Variants in SNRPN observed in about 807,000 individuals in gnomAD.
SNRPN encodes small nuclear ribonucleoprotein polypeptide N.
A neutral mutation model predicts 25.2 loss-of-function variants in SNRPN; 7 were observed. That is an observed-to-expected ratio of 0.28 (90% CI 0.16 to 0.52). SNRPN has a LOEUF of 0.52. SNRPN is among the 20% of genes least tolerant of loss of function. The pLI, the probability that SNRPN is intolerant of heterozygous loss-of-function variation, is 0.96. For synonymous variants in SNRPN, 124 were observed against 110.6 expected (o/e 1.12, Z -0.76); for missense variants, 196 against 322.5 (o/e 0.61, Z 3.00).
chr15:24,896,278 A>C (rs545254078), intron 2 of SNRPN, among the ~76,000 whole-genome samples: 2 of 152,118 alleles, frequency 1.3e-5, no homozygotes, highest in South Asian at 4.1e-4. Context: ...ACTCTCATTC[A>C]ATTCCCTTTC....
chr15:24,902,414 G>A (rs919645140), intron 2 of SNRPN, among the ~76,000 whole-genome samples: 2 of 152,052 alleles, frequency 1.3e-5, no homozygotes, highest in Non-Finnish European at 2.9e-5. Context: ...TATATATCAG[G>A]GAAGAAAAAA....
rs1482085775 is a variant in SNRPN, at chr15:24,924,243, C to CT, written c.-391+4121dup. Reference sequence around the variant, plus strand: ...CCCAGAACCCAGTGAGATTCAGAAGCTTATGTACCCTCTTCTTAGGACAGA... The same window carrying CT: ...CCCAGAACCCAGTGAGATTCAGAAGCTTTATGTACCCTCTTCTTAGGACAGA... On this transcript the variant is annotated intron_variant, in intron 3 of 11. Coordinates refer to the SNRPN transcript ENST00000400097. Among the ~76,000 whole-genome samples, 14 of 151,992 alleles carry CT rather than the reference C, an allele frequency of 9.2e-5. No individual in the cohort carries two copies. The East Asian group carries it at 2.0e-3, about 21-fold the overall frequency.
intron 2 of SNRPN, among the ~76,000 whole-genome samples, chr15:24,834,990 G>GATAGAT (rs2050945096): frequency 1.9e-5 from 1 of 52,938 alleles, no homozygotes; most frequent in East Asian, 7.0e-4. Context: ...ATATAAAATA[G>GATAGAT]ATATATATAG....
chr15:24,896,483 G>A (rs1351345777), intron 2 of SNRPN, among the ~76,000 whole-genome samples: 1 of 152,088 alleles, frequency 6.6e-6, no homozygotes, highest in African/African-American at 2.4e-5. Flanking sequence ...ATGGCTCCTA[G>A]GCAGATCACA....
intron 2 of SNRPN, among the ~76,000 whole-genome samples, chr15:24,913,673 A>C (rs2059356267): frequency 6.6e-6 from 1 of 152,166 alleles, no homozygotes; most frequent in South Asian, 2.1e-4. Context: ...CAAAACAAAA[A>C]AAACAAAGAA....
chr15:24,966,532 A>G (rs1260727799), intron 2 of SNRPN, among the ~76,000 whole-genome samples: 1 of 152,128 alleles, frequency 6.6e-6, no homozygotes, highest in Non-Finnish European at 1.5e-5. Flanking sequence ...GGCTTGCTCA[A>G]AACCCCAACC....
chr15:24,932,589 G>A (rs1383111333), intron 3 of SNRPN, among the ~76,000 whole-genome samples: 1 of 151,604 alleles, frequency 6.6e-6, no homozygotes, highest in Non-Finnish European at 1.5e-5. Flanking sequence ...TGGTCAAGAA[G>A]ACTATCTCTG....
intron 1 of SNRPN, among the ~76,000 whole-genome samples, chr15:24,875,164 ATTAGTCTACAGGT>A (rs772249694): frequency 4.6e-5 from 7 of 152,200 alleles, no homozygotes; most frequent in Non-Finnish European, 8.8e-5. Context: ...TAGATGTGCT[ATTAGTCTACAGGT>A]TTTAAGTATT....
intron 3 of SNRPN, among the ~76,000 whole-genome samples, chr15:24,971,556 AAAT>A (rs1034812543): frequency 3.3e-5 from 5 of 151,692 alleles, no homozygotes; most frequent in South Asian, 2.1e-4. Context: ...TATAAATATA[AAAT>A]AATAATCTGT....
At chr15:24,933,474 A>G (rs1204999376) in intron 3 of SNRPN, among the ~76,000 whole-genome samples, 1 of 152,056 alleles carries the variant, frequency 6.6e-6, no homozygotes, top group Non-Finnish European at 1.5e-5. Context: ...GTTGGGGTTC[A>G]GAGGCAAGCC....
intron 1 of SNRPN, among the ~76,000 whole-genome samples, chr15:24,869,174 T>A (rs12442527): frequency 0.33 from 49,639 of 151,984 alleles, 9,349 homozygotes; most frequent in African/African-American, 0.5. Context: ...ACTCAGGGGT[T>A]TTCAACAATA....
At chr15:24,956,397 G>C (rs1054952245) in intron 1 of SNRPN, among the ~76,000 whole-genome samples, 1 of 151,792 alleles carries the variant, frequency 6.6e-6, no homozygotes, top group Non-Finnish European at 1.5e-5. Context: ...CCAGTGGGGA[G>C]GGGGCAGGTG....
intron 2 of SNRPN, among the ~76,000 whole-genome samples, chr15:24,887,570 G>T (rs1283189897): frequency 6.6e-6 from 1 of 152,130 alleles, no homozygotes; most frequent in African/African-American, 2.4e-5. Flanking sequence ...TTGGGAGGCC[G>T]AGGCAGGCTC....
intron 3 of SNRPN, among the ~76,000 whole-genome samples, chr15:24,972,198 G>T (rs541920874): frequency 6.6e-6 from 1 of 150,860 alleles, no homozygotes; most frequent in Non-Finnish European, 1.5e-5. Flanking sequence ...GGAGGCTGCA[G>T]TGAGCCGAGA....
chr15:24,900,904 G>C lies in SNRPN; in HGVS notation c.-505+14315G>C, dbSNP rs77447851. Among the ~76,000 whole-genome samples, 283 of 152,154 alleles carry C rather than the reference G, an allele frequency of 1.9e-3. 9 individuals carry two copies. The East Asian group carries it at 0.049, about 26-fold the overall frequency. ...GAGTCCATAAATTTAAGACCGGTTT[G>C]GGCAACATAAAGAGACCTTGTATCT... On this transcript the variant is annotated intron_variant, in intron 2 of 11. Coordinates refer to the SNRPN transcript ENST00000400097.
At chr15:24,882,685 C>T (rs71461566) in intron 1 of SNRPN, among the ~76,000 whole-genome samples, 1 of 151,662 alleles carries the variant, frequency 6.6e-6, no homozygotes, top group Non-Finnish European at 1.5e-5. Flanking sequence ...ATTAGCTGGG[C>T]GTGGTGGTGC....
chr15:24,878,769 A>C (rs2056274411), intron 1 of SNRPN, among the ~76,000 whole-genome samples: 1 of 152,142 alleles, frequency 6.6e-6, no homozygotes, highest in African/African-American at 2.4e-5. Context: ...TTCTTTGAAA[A>C]AAACGAAATC....
chr15:24,962,249 T>A (rs1431761378), intron 2 of SNRPN, 40 bp downstream of exon 2: 2 of 1,534,744 alleles, frequency 1.3e-6, no homozygotes, highest in South Asian at 2.2e-5. Context: ...CAAGTCAGAA[T>A]CTCCTTTCAG....
In SNRPN at chr15:24,974,779, A is replaced by G. The variant is rs185463715; in HGVS notation, c.3+323A>G. On this transcript the variant is annotated intron_variant, in intron 4 of 9. Coordinates refer to ENST00000390687, the MANE Select transcript of SNRPN (RefSeq NM_003097.6). ...TCACTGTGTTGGCCAGGCTGGTCTC[A>G]GGCTCCTGACCTCTGGTGATCCACC... is the stretch of plus-strand genomic sequence containing the variant. 15 of 617,770 alleles carry G rather than the reference A, an allele frequency of 2.4e-5. No individual in the cohort carries two copies. The East Asian group carries it at 4.1e-4, about 17-fold the overall frequency. The allele number at this position is 617,770 out of a possible 1,614,324, so 38.3% of individuals were successfully genotyped here.
Sources: gnomAD v4.1 joint callset for allele counts (sites outside exome capture counted in the v4.1 genomes callset) on GRCh38, gnomAD v4.1.1 for gene constraint, MANE v1.5 for transcripts, NCBI Gene and HGNC (gene_info 2026-07-23, HGNC 2026-07-21) for gene names.